GPR158: variants seen among roughly 807,000 people sequenced by gnomAD.
The protein encoded by GPR158 is metabotropic glycine receptor.
A neutral mutation model predicts 78.2 loss-of-function variants in GPR158; 30 were observed. The observed-to-expected ratio is 0.38, with a 90% CI of 0.29 to 0.52. GPR158 has a LOEUF of 0.52. Among genes scored for constraint, GPR158 ranks in the 20% least tolerant of loss-of-function variants. GPR158 has a pLI of 0.83. For synonymous variants in GPR158, 581 were observed against 591.1 expected (o/e 0.98, Z 0.25); for missense variants, 1,463 against 1,523.5 (o/e 0.96, Z 0.66).
chr10:25,388,455 C>T (rs761296551), intron 2 of GPR158, among the ~76,000 whole-genome samples: 2 of 152,228 alleles, frequency 1.3e-5, no homozygotes, highest in Non-Finnish European at 2.9e-5. Flanking sequence ...TCCCACGGGC[C>T]CATAAGCACC....
chr10:25,400,455 C>T (rs1220560763), intron 3 of GPR158, among the ~76,000 whole-genome samples: 3 of 152,086 alleles, frequency 2.0e-5, no homozygotes, highest in Non-Finnish European at 2.9e-5. Context: ...ACAAATGACT[C>T]GTGAAGACCA....
chr10:25,184,463 A>G (rs1458766563), intron 1 of GPR158, among the ~76,000 whole-genome samples: 1 of 152,238 alleles, frequency 6.6e-6, no homozygotes, highest in Admixed American at 6.5e-5. Context: ...TATATAAATT[A>G]GATTGTTATT....
chr10:25,461,593 G>A (rs1401005095), intron 4 of GPR158, among the ~76,000 whole-genome samples: 1 of 152,188 alleles, frequency 6.6e-6, no homozygotes, highest in Non-Finnish European at 1.5e-5. Context: ...AAGTGAAGCA[G>A]CAAGTGCTGA....
At chr10:25,300,556 A>G (rs1854577853) in intron 2 of GPR158, among the ~76,000 whole-genome samples, 1 of 141,452 alleles carries the variant, frequency 7.1e-6, no homozygotes, top group East Asian at 2.0e-4. Context: ...AGGTTGGGAC[A>G]TTATTCTGCC....
intron 5 of GPR158, among the ~76,000 whole-genome samples, chr10:25,542,424 T>C (rs964946682): frequency 6.6e-6 from 1 of 152,218 alleles, no homozygotes; most frequent in African/African-American, 2.4e-5. Flanking sequence ...AGCATCCCTC[T>C]TTTAAAAGCA....
intron 6 of GPR158, among the ~76,000 whole-genome samples, chr10:25,555,537 AT>A (rs919687713): frequency 7.7e-4 from 118 of 152,268 alleles, no homozygotes; most frequent in Middle Eastern, 3.4e-3. Context: ...CTGCTAAGCA[AT>A]TTTCTTTTAC....
chr10:25,541,321 C>T (rs950283979), intron 5 of GPR158, among the ~76,000 whole-genome samples: 6 of 152,078 alleles, frequency 3.9e-5, no homozygotes, highest in African/African-American at 1.4e-4. Flanking sequence ...GATAACAGCA[C>T]TGTACCAATT....
chr10:25,467,350 C>T (rs1013620705), intron 5 of GPR158, among the ~76,000 whole-genome samples: 1 of 152,122 alleles, frequency 6.6e-6, no homozygotes, highest in African/African-American at 2.4e-5. Flanking sequence ...TTAAAAGGTG[C>T]TAGCCACTCA....
chr10:25,352,304 A>G (rs1194726552), intron 2 of GPR158, among the ~76,000 whole-genome samples: 2 of 152,106 alleles, frequency 1.3e-5, no homozygotes, highest in South Asian at 2.1e-4. Context: ...AAGCTCAGCA[A>G]TTACTACTAC....
At chr10:25,280,204 T>C (rs1240571078) in intron 2 of GPR158, among the ~76,000 whole-genome samples, 1 of 151,970 alleles carries the variant, frequency 6.6e-6, no homozygotes, top group Non-Finnish European at 1.5e-5. Flanking sequence ...AAATACAAGA[T>C]CCAGCTATAT....
intron 7 of GPR158, among the ~76,000 whole-genome samples, chr10:25,580,923 A>T (rs4747535): frequency 0.27 from 27,385 of 101,076 alleles, 3,771 homozygotes; most frequent in Non-Finnish European, 0.32. Flanking sequence ...ATTTTATTTT[A>T]TTTTATTTTT....
chr10:25,592,370 G>A (rs1259376166), intron 8 of GPR158, among the ~76,000 whole-genome samples: 2 of 151,808 alleles, frequency 1.3e-5, no homozygotes, highest in Admixed American at 6.6e-5. Context: ...ATTATTTTTA[G>A]TGCTAAGCAT....
chr10:25,462,212 C>G (rs964939621), intron 4 of GPR158, among the ~76,000 whole-genome samples: 6 of 152,196 alleles, frequency 3.9e-5, no homozygotes, highest in African/African-American at 7.2e-5. Flanking sequence ...CCAACTCTGC[C>G]TGTGCTGTAG....
intron 2 of GPR158, among the ~76,000 whole-genome samples, chr10:25,274,258 C>T (rs1042024442): frequency 3.3e-5 from 5 of 152,140 alleles, no homozygotes; most frequent in Non-Finnish European, 7.4e-5. Flanking sequence ...CATGGACATG[C>T]ACACAATTTA....
chr10:25,425,982 T>C (rs192370166), intron 4 of GPR158, among the ~76,000 whole-genome samples: 1 of 152,158 alleles, frequency 6.6e-6, no homozygotes, highest in African/African-American at 2.4e-5. Context: ...TTAATCTGTG[T>C]GCAATTGTTC....
chr10:25,222,400 C>T (rs147087543), intron 2 of GPR158, among the ~76,000 whole-genome samples: 1 of 150,754 alleles, frequency 6.6e-6, no homozygotes, highest in Non-Finnish European at 1.5e-5. Flanking sequence ...GATGATCCCC[C>T]ACTTCATCAA....
intron 2 of GPR158, among the ~76,000 whole-genome samples, chr10:25,321,855 A>G (rs2130479223): frequency 6.6e-6 from 1 of 152,274 alleles, no homozygotes; most frequent in Non-Finnish European, 1.5e-5. Flanking sequence ...CTTGTTCATT[A>G]TCTTATATAT....
intron 2 of GPR158, among the ~76,000 whole-genome samples, chr10:25,326,430 G>T: frequency 6.6e-6 from 1 of 151,796 alleles, no homozygotes; most frequent in Non-Finnish European, 1.5e-5. Flanking sequence ...AATATATTTT[G>T]GATGTTATTT....
At chr10:25,278,354 A>G (rs1854215738) in intron 2 of GPR158, among the ~76,000 whole-genome samples, 1 of 152,198 alleles carries the variant, frequency 6.6e-6, no homozygotes, top group African/African-American at 2.4e-5. Context: ...TGGAAGATTA[A>G]TCCAAGGAAG....
Sources: gnomAD v4.1 joint callset for allele counts (sites outside exome capture counted in the v4.1 genomes callset) on GRCh38, gnomAD v4.1.1 for gene constraint, MANE v1.5 for transcripts, NCBI Gene and HGNC (gene_info 2026-07-23, HGNC 2026-07-21) for gene names.